The following RTTN variants were observed in gnomAD, a reference collection of about 807,000 sequenced individuals.
RTTN encodes rotatin.
Under a neutral mutation model 269.2 loss-of-function variants are expected in RTTN, and 182 were observed. The observed-to-expected ratio is 0.68, with a 90% confidence interval of 0.60 to 0.76. The LOEUF (loss-of-function observed/expected upper bound fraction) is 0.76. Among genes scored for constraint, RTTN ranks in the 30% least tolerant of loss-of-function variants. The probability of loss-of-function intolerance (pLI) is 0.00; values close to 1 mark genes in which losing one functional copy is unlikely to be tolerated. For missense variants in RTTN, 2,545 were observed against 2,608.6 expected (o/e 0.98, Z 0.53); for synonymous variants, 1,006 against 963.5 (o/e 1.04, Z -0.82).
Position 70,140,351 on chromosome 18 carries a change from C to T in RTTN, c.2582-163G>A, listed in dbSNP as rs143153349. On this transcript the variant is annotated intron_variant, in intron 19 of 48. Transcript: ENST00000640769. ...ATGAAACTTTTAACTTTTTACTTTA[C>T]GTACACCTGTCCAATTTGAAAATGT... 2.9e-4 allele frequency among the ~76,000 whole-genome samples: 44 copies of T among 152,194 alleles called. No individual in the cohort carries two copies. In the South Asian group the frequency reaches 8.3e-3, roughly 29 times the overall value.
intron 23 of RTTN, among the ~76,000 whole-genome samples, chr18:70,132,371 C>T (rs1219028159): frequency 6.6e-6 from 1 of 151,942 alleles, no homozygotes; most frequent in East Asian, 1.9e-4. Flanking sequence ...ACACATGGAA[C>T]ATTTTAAAAA....
chr18:70,111,680 G>A (rs571256532), intron 27 of RTTN, among the ~76,000 whole-genome samples: 6 of 152,282 alleles, frequency 3.9e-5, no homozygotes, highest in African/African-American at 1.4e-4. Context: ...ATGTTCGATT[G>A]GTGTACCTGA....
intron 32 of RTTN, among the ~76,000 whole-genome samples, chr18:70,076,660 A>G (rs2058436409): frequency 6.6e-6 from 1 of 152,022 alleles, no homozygotes; most frequent in Non-Finnish European, 1.5e-5. Context: ...CAACACTGTG[A>G]GCTTACTCGT....
chr18:70,130,695 T>C (rs978603878), intron 23 of RTTN: 12 of 151,766 alleles, frequency 7.9e-5, no homozygotes, highest in Non-Finnish European at 1.3e-4. Flanking sequence ...AAAATTTAGA[T>C]AGAAGGAATA....
At chr18:70,123,952 A>C (rs1253755795) in intron 25 of RTTN, among the ~76,000 whole-genome samples, 2 of 152,038 alleles carry the variant, frequency 1.3e-5, no homozygotes, top group African/African-American at 4.8e-5. Flanking sequence ...CCCATGCCAC[A>C]GCACCACACC....
At chr18:70,204,726 A>G (rs2062033732) in intron 2 of RTTN, among the ~76,000 whole-genome samples, 1 of 152,366 alleles carries the variant, frequency 6.6e-6, no homozygotes, top group Non-Finnish European at 1.5e-5. Context: ...ATCTAAAAGC[A>G]TATGGGCAAG....
intron 14 of RTTN, among the ~76,000 whole-genome samples, chr18:70,160,657 GAAAAAAA>G (rs34101176): frequency 9.4e-6 from 1 of 106,166 alleles, no homozygotes; most frequent in African/African-American, 3.4e-5. Flanking sequence ...TTCTATACCT[GAAAAAAA>G]AAAAAAAAAA....
At chr18:70,205,424 G>C (rs542983797) in intron 1 of RTTN, 109 bp from the exon 2 acceptor site, 1 of 1,461,576 alleles carries the variant, frequency 6.8e-7, no homozygotes, top group Non-Finnish European at 9.4e-7. Flanking sequence ...GTTTTTTTCA[G>C]AAGCAGGCCA....
chr18:70,205,684 G>A lies in RTTN; in HGVS notation c.-26C>T, dbSNP rs374176554. On this transcript the variant is annotated 5_prime_UTR_variant, in exon 1 of 49. Coordinates refer to ENST00000640769, the MANE Select transcript of RTTN (RefSeq NM_173630.4). ...CTCGTCCCGTCAATCTGCAGCCGCC[G>A]GAGAATTAAACTGCCGCGCCACTGC... is the stretch of plus-strand genomic sequence containing the variant. The A allele has an allele frequency of 6.8e-4, 1,103 of 1,613,978 alleles. 10 individuals carry two copies. The South Asian group carries it at 7.2e-3, about 11-fold the overall frequency.
In RTTN at chr18:70,054,263, G is replaced by T. The variant is rs769144428; in HGVS notation, c.5053C>A (p.Leu1685Ile). The T allele has an allele frequency of 7.4e-6, 12 of 1,612,054 alleles. No homozygotes were observed. ...QAQVSFLLEY[L>I]SSLSRLLQSC... is the part of the protein sequence containing the mutation. ...TGCAGAAGCCTGGACAAAGAGGATA[G>T]GTATTCCAGGAGAAAGGAAACCTGT... is the stretch of plus-strand genomic sequence containing the variant. The change falls in exon 38 of 49, where the codon CTA (leucine) becomes ATA (isoleucine). Residue 1685 changes from leucine (L) to isoleucine (I), a missense_variant. Leu to Ile is a conservative substitution (Grantham distance 5). Coordinates refer to ENST00000640769, the MANE Select transcript of RTTN (RefSeq NM_173630.4).
At chr18:70,126,609 T>A (rs1049757172) in intron 25 of RTTN, among the ~76,000 whole-genome samples, 5 of 152,150 alleles carry the variant, frequency 3.3e-5, no homozygotes, top group Admixed American at 2.0e-4. Flanking sequence ...TGTTGCCACA[T>A]AATTAGAAAG....
At position 70,188,102 on chromosome 18, in the gene RTTN, T is replaced by G. The variant is rs781437195; in HGVS notation, c.1305+6A>C. 2 of 1,516,532 alleles carry G rather than the reference T, an allele frequency of 1.3e-6. No individual in the cohort carries two copies. Among genetic ancestry groups the G allele is most frequent in the African/African-American group, 2.7e-5 (2 of 72,778 alleles). 93.9% of individuals were successfully genotyped at this position (1,516,532 alleles called of 1,614,324 possible). ...CCTATATCCCAAAGAAAACATTGAT[T>G]CTTACCATATCTATACCAAAAAGGC... is the stretch of plus-strand genomic sequence containing the variant. On this transcript the variant is annotated splice_donor_region_variant and intron_variant, in intron 10 of 48. Transcript: ENST00000640769.
At chr18:70,171,224 G>A (rs2061134714) in intron 11 of RTTN, among the ~76,000 whole-genome samples, 1 of 152,178 alleles carries the variant, frequency 6.6e-6, no homozygotes, top group South Asian at 2.1e-4. Flanking sequence ...CAGTCCTGGG[G>A]TTCCACTCCT....
At position 70,205,597 on chromosome 18, in the gene RTTN, T is replaced by C. The variant is rs1248034878; in HGVS notation, c.31+31A>G. ...CAGCAAGTGGCCAGAGCGCGGGGGGTGCCTTGGGCGAGGGGCAAGCTGACA... is the reference window on the plus strand; with the variant it reads ...CAGCAAGTGGCCAGAGCGCGGGGGGCGCCTTGGGCGAGGGGCAAGCTGACA... On this transcript the variant is annotated intron_variant, in intron 1 of 48. Transcript: ENST00000640769. 3 of 1,613,274 alleles carry C rather than the reference T, an allele frequency of 1.9e-6. No homozygotes were observed. The Admixed American group carries it at 5.0e-5, about 27-fold the overall frequency.
At chr18:70,032,496 G>A (rs1278062049) in intron 40 of RTTN, among the ~76,000 whole-genome samples, 1 of 152,090 alleles carries the variant, frequency 6.6e-6, no homozygotes, top group African/African-American at 2.4e-5. Flanking sequence ...AGGCTACCAA[G>A]CAATGAAAAA....
At chr18:70,036,853 G>A (rs1237728999) in intron 40 of RTTN, among the ~76,000 whole-genome samples, 2 of 152,194 alleles carry the variant, frequency 1.3e-5, no homozygotes, top group Admixed American at 1.3e-4. Context: ...CACAGTACCT[G>A]GTTTTAATGT....
rs778505726 is a variant in RTTN, at chr18:70,148,954, C to T, written c.2256G>A (p.Pro752=). The change falls in exon 17 of 49, where the codon CCG becomes CCA. Residue 752 remains proline, a synonymous_variant. Transcript: ENST00000640769. The part of the protein sequence containing the change: ...KASSDTEEML[P]CTTRLKSMLR... The stretch of plus-strand genomic sequence containing the variant: ...GCATGGACTTTAATCGGGTAGTACA[C>T]GGAAGCATCTCTTCTGTGTCAGAAC... The T allele has an allele frequency of 1.6e-5, 26 of 1,613,458 alleles. No individual in the cohort carries two copies. The highest frequency in any genetic ancestry group is 1.6e-4 in the Middle Eastern group (1 of 6,080).
At chr18:70,069,767 GTTTA>G (rs1301919753) in intron 34 of RTTN, among the ~76,000 whole-genome samples, 12 of 152,036 alleles carry the variant, frequency 7.9e-5, no homozygotes, top group Admixed American at 7.9e-4. Flanking sequence ...TGCCAAAAAA[GTTTA>G]TTTAATTGTT....
At chr18:70,110,697 G>C (rs1172313253) in intron 27 of RTTN, among the ~76,000 whole-genome samples, 1 of 152,200 alleles carries the variant, frequency 6.6e-6, no homozygotes, top group African/African-American at 2.4e-5. Context: ...GCCTGGAACA[G>C]CAGCGAGACA....
Sources: allele counts gnomAD v4.1 joint callset (sites outside exome capture counted in the v4.1 genomes callset), GRCh38; gene constraint gnomAD v4.1.1; transcripts MANE v1.5; gene names NCBI Gene and HGNC (gene_info 2026-07-23, HGNC 2026-07-21).